Variants in BBX observed in about 807,000 individuals in gnomAD.
BBX encodes BBX high mobility group box domain containing.
In BBX, 30 loss-of-function variants were observed where a neutral mutation model predicts 100.2. The ratio of observed to expected loss-of-function variants is 0.30; its 90% CI spans 0.22 to 0.41. The LOEUF is 0.41. Ranked by LOEUF, BBX falls within the 10% of genes least tolerant of loss-of-function variation. The pLI is 1.00. For synonymous variants in BBX, 376 were observed against 388.1 expected, an observed-to-expected ratio of 0.97 and a Z score of 0.37; for missense variants, 1,023 against 1,129.8, an observed-to-expected ratio of 0.91 and a Z score of 1.35.
intron 15 of BBX, among the ~76,000 whole-genome samples, chr3:107,798,318 C>CAAATTA: frequency 6.6e-6 from 1 of 152,302 alleles, no homozygotes; most frequent in East Asian, 1.9e-4. Context: ...TAATTCACTG[C>CAAATTA]ATTTAATTTA....
chr3:107,745,788 G>C (rs960628143), intron 8 of BBX, among the ~76,000 whole-genome samples: 8 of 152,088 alleles, frequency 5.3e-5, no homozygotes, highest in Admixed American at 1.3e-4. Context: ...TTATAAACAT[G>C]TTAAATAAGA....
At chr3:107,659,695 A>G (rs1237015238) in intron 3 of BBX, 1 of 1,270,794 alleles carries the variant, frequency 7.9e-7, no homozygotes, top group Admixed American at 2.4e-5. Flanking sequence ...ACACCACCAC[A>G]CTGCCTGTAG....
intron 10 of BBX, among the ~76,000 whole-genome samples, chr3:107,763,136 G>C (rs1246375752): frequency 1.3e-5 from 2 of 152,020 alleles, no homozygotes; most frequent in African/African-American, 4.8e-5. Context: ...TCCAAAATCT[G>C]AGACACTTCT....
chr3:107,801,366 A>AT, intron 17 of BBX, 85 bp downstream of exon 17: 1 of 1,448,310 alleles, frequency 6.9e-7, no homozygotes, highest in Non-Finnish European at 9.3e-7. Context: ...TTTACAGGGC[A>AT]TTGGGGTTCA....
intron 3 of BBX, among the ~76,000 whole-genome samples, chr3:107,665,550 C>T (rs1211985500): frequency 6.6e-6 from 1 of 152,154 alleles, no homozygotes; most frequent in East Asian, 1.9e-4. Flanking sequence ...GATTGTCTCT[C>T]ATAACCAAGC....
chr3:107,574,520 C>T (rs1448697313), intron 2 of BBX, among the ~76,000 whole-genome samples: 1 of 152,086 alleles, frequency 6.6e-6, no homozygotes, highest in African/African-American at 2.4e-5. Context: ...TTTTGGTACT[C>T]TCAACATGTA....
intron 3 of BBX, among the ~76,000 whole-genome samples, chr3:107,668,556 T>C (rs2058863491): frequency 2.0e-5 from 3 of 152,158 alleles, no homozygotes; most frequent in African/African-American, 7.2e-5. Flanking sequence ...TAAGAACCAC[T>C]CTGGACCTAA....
rs770744932 is a variant in BBX at position 107,710,454 on chromosome 3, C to G, written c.-7C>G. On this transcript the variant is annotated splice_region_variant and 5_prime_UTR_variant, in exon 4 of 18. Transcript: ENST00000325805. Reference sequence around the variant, plus strand: ...CTCTCTCTCTCTTCCTATTACAGGTCACAGTAATGAAAGGCAGTAATAGAA... The same window carrying G: ...CTCTCTCTCTCTTCCTATTACAGGTGACAGTAATGAAAGGCAGTAATAGAA... 6 of 1,607,978 alleles carry G rather than the reference C, an allele frequency of 3.7e-6. No homozygotes were observed. The highest frequency in any genetic ancestry group is 1.7e-6 in the Non-Finnish European group (2 of 1,176,398).
intron 3 of BBX, among the ~76,000 whole-genome samples, chr3:107,670,471 A>G (rs2107915778): frequency 6.6e-6 from 1 of 152,222 alleles, no homozygotes; most frequent in East Asian, 1.9e-4. Context: ...GACAATGGAT[A>G]TGCAATAATT....
rs2061501468 is a variant in BBX, at chr3:107,708,272, A to C, written c.-9-2180A>C. Among the ~76,000 whole-genome samples the C allele has an allele frequency of 3.3e-5, 5 of 152,230 alleles. 1 individual carries two copies. In the South Asian group the frequency reaches 1.0e-3, roughly 31 times the overall value. On this transcript the variant is annotated intron_variant, in intron 3 of 17. Coordinates refer to ENST00000325805, the MANE Select transcript of BBX (RefSeq NM_001142568.3). Reference sequence around the variant, plus strand: ...TCTTGTATTATTGAGTCAGCCACACAAGTCATGTAATTGCTTCAGATATTC... The same window carrying C: ...TCTTGTATTATTGAGTCAGCCACACCAGTCATGTAATTGCTTCAGATATTC...
At chr3:107,705,257 G>C (rs2061328059) in intron 3 of BBX, among the ~76,000 whole-genome samples, 1 of 152,078 alleles carries the variant, frequency 6.6e-6, no homozygotes, top group South Asian at 2.1e-4. Context: ...GTCTAGCAGT[G>C]GTATTTAATG....
chr3:107,798,832 A>T, intron 16 of BBX, 112 bp downstream of exon 16: 5 of 918,468 alleles, frequency 5.4e-6, no homozygotes, highest in African/African-American at 1.7e-5. Context: ...ATAGCCAATG[A>T]GCTAAAAAAA....
chr3:107,587,637 C>A (rs2052958276), intron 2 of BBX, among the ~76,000 whole-genome samples: 1 of 152,136 alleles, frequency 6.6e-6, no homozygotes, highest in Non-Finnish European at 1.5e-5. Context: ...TTGAGTAATA[C>A]CACAGCAAAT....
At chr3:107,706,495 AG>A (rs374898002) in intron 3 of BBX, among the ~76,000 whole-genome samples, 25 of 152,074 alleles carry the variant, frequency 1.6e-4, no homozygotes, top group East Asian at 7.7e-4. Context: ...AAATTTTGGT[AG>A]GGGGCTTTAT....
intron 2 of BBX, among the ~76,000 whole-genome samples, chr3:107,605,857 G>C (rs2054397099): frequency 6.6e-6 from 1 of 152,104 alleles, no homozygotes. Flanking sequence ...ATGCTGAGCA[G>C]CTTTCTTCAG....
rs1372490853 is a variant in BBX at position 107,810,011 on chromosome 3, TC to T, written c.*4555del. ...CAGGGTTTGATGGACTGCTTTACTT[TC>T]GTTTGGAAGTGATAGCTAAGTTTAT... is the stretch of plus-strand genomic sequence containing the variant. On this transcript the variant is annotated 3_prime_UTR_variant, in exon 18 of 18. Transcript: ENST00000325805. 7 of 152,160 alleles carry T rather than the reference TC, an allele frequency of 4.6e-5. No individual in the cohort carries two copies. The highest frequency in any genetic ancestry group is 1.0e-4 in the Non-Finnish European group (7 of 68,010). 9.4% of individuals were successfully genotyped at this position (152,160 alleles called of 1,614,324 possible). A position where few individuals can be genotyped will look rare whatever the true frequency, so the allele number is the denominator to read the frequency against.
At chr3:107,765,776 A>G (rs1386511651) in intron 10 of BBX, among the ~76,000 whole-genome samples, 1 of 152,184 alleles carries the variant, frequency 6.6e-6, no homozygotes, top group African/African-American at 2.4e-5. Flanking sequence ...AGACTGGGGA[A>G]TGGGAGGATG....
chr3:107,666,221 A>T lies in BBX; in HGVS notation c.-10+20312A>T, dbSNP rs79689191. Among the ~76,000 whole-genome samples the T allele has an allele frequency of 1.3e-3, 193 of 152,076 alleles. 1 individual carries two copies. In the East Asian group the frequency reaches 0.036, roughly 29 times the overall value. The stretch of plus-strand genomic sequence containing the variant: ...AATTCTCTGTAGACTGTAACTAATC[A>T]CTCCTGAGGGTCCTGGACAGAGAGC... On this transcript the variant is annotated intron_variant, in intron 3 of 17. Coordinates refer to ENST00000325805, the MANE Select transcript of BBX (RefSeq NM_001142568.3).
intron 2 of BBX, among the ~76,000 whole-genome samples, chr3:107,554,460 A>G (rs1046303787): frequency 5.9e-5 from 9 of 152,178 alleles, no homozygotes; most frequent in Non-Finnish European, 2.9e-5. Context: ...CCTTGGTTTA[A>G]GATTTTATAT....
Sources: gnomAD v4.1 joint callset for allele counts (sites outside exome capture counted in the v4.1 genomes callset) on GRCh38, gnomAD v4.1.1 for gene constraint, MANE v1.5 for transcripts, NCBI Gene and HGNC (gene_info 2026-07-23, HGNC 2026-07-21) for gene names.